KATNAL2: variants seen among roughly 807,000 people sequenced by gnomAD.
KATNAL2 encodes the protein katanin catalytic subunit A1 like 2.
KATNAL2 carries 52 observed loss-of-function variants against 76.3 expected under a neutral mutation model. The observed-to-expected ratio is 0.68, with a 90% confidence interval of 0.55 to 0.86. KATNAL2 has a LOEUF of 0.86. KATNAL2 is among the 40% of genes least tolerant of loss of function. KATNAL2 has a pLI of 0.00. For synonymous variants in KATNAL2, 243 were observed against 244.2 expected (o/e 1.00, Z 0.05); for missense variants, 660 against 668.9 (o/e 0.99, Z 0.15).
intron 15 of KATNAL2, among the ~76,000 whole-genome samples, chr18:47,080,991 C>T (rs373480473): frequency 5.4e-5 from 8 of 148,720 alleles, no homozygotes; most frequent in African/African-American, 2.0e-4. Flanking sequence ...TTCCTTCCTC[C>T]CTCCCTCCTT....
Position 46,965,576 on chromosome 18 carries a change from T to TC in KATNAL2, c.51+18657dup, listed in dbSNP as rs1446702107. The stretch of plus-strand genomic sequence containing the variant: ...GTCAACCAGCAGAATCCCTCTAGCA[T>TC]CCCCGCCCCCCCCCCCCCGCCCCCA... On this transcript the variant is annotated intron_variant, in intron 3 of 17. Transcript: ENST00000683218. 4.7e-3 allele frequency among the ~76,000 whole-genome samples: 323 copies of TC among 68,640 alleles called. 32 individuals carry two copies. The highest frequency in any genetic ancestry group is 0.015 in the East Asian group (38 of 2,574). 45.0% of individuals were successfully genotyped at this position (68,640 alleles called of 152,430 possible).
At position 46,917,682 on chromosome 18, in the gene KATNAL2, G is replaced by T. The variant is rs2058151978; in HGVS notation, c.-754G>T. On this transcript the variant is annotated 5_prime_UTR_variant, in exon 1 of 18. Coordinates refer to ENST00000683218, the MANE Select transcript of KATNAL2 (RefSeq NM_001387690.1). ...TTGGCCCCGCTCGGCCCCAGGTCGT[G>T]CCTTCCCTCCCCGGCGGAGGCCCCT... 1 of 487,718 alleles carries T rather than the reference G, an allele frequency of 2.1e-6. No homozygotes were observed. The highest frequency in any genetic ancestry group is 6.3e-5 in the Admixed American group (1 of 15,936). 30.2% of individuals were successfully genotyped at this position (487,718 alleles called of 1,614,324 possible).
intron 15 of KATNAL2, among the ~76,000 whole-genome samples, chr18:47,091,859 CCTGT>C (rs1269466002): frequency 6.6e-6 from 1 of 152,136 alleles, no homozygotes; most frequent in Non-Finnish European, 1.5e-5. Context: ...TCTTTAGCAG[CCTGT>C]CTTTTAGAAG....
intron 13 of KATNAL2, among the ~76,000 whole-genome samples, chr18:47,074,793 A>G (rs893881709): frequency 1.3e-5 from 2 of 152,174 alleles, no homozygotes; most frequent in African/African-American, 2.4e-5. Context: ...AAGGGGCTAA[A>G]TTTGTCAGCC....
At chr18:47,069,417 C>A in intron 12 of KATNAL2, 65 bp from the exon 13 acceptor site, 2 of 1,415,194 alleles carry the variant, frequency 1.4e-6, no homozygotes, top group Non-Finnish European at 2.0e-6. Flanking sequence ...GTGAGACTGA[C>A]TTCTGTCTAT....
chr18:47,091,556 G>A (rs185011927), intron 15 of KATNAL2, among the ~76,000 whole-genome samples: 21 of 152,170 alleles, frequency 1.4e-4, no homozygotes, highest in Admixed American at 3.9e-4. Flanking sequence ...CTTGTCCTTC[G>A]TTTCCTCCCT....
chr18:46,935,924 A>T (rs2059077097), intron 1 of KATNAL2, among the ~76,000 whole-genome samples: 1 of 151,952 alleles, frequency 6.6e-6, no homozygotes. Context: ...TCAAAATTTA[A>T]AAAAAAAGAC....
rs552432099 is a variant in KATNAL2, at chr18:46,919,304, T to C, written c.-510+1378T>C. Among the ~76,000 whole-genome samples the C allele has an allele frequency of 6.6e-5, 10 of 151,966 alleles. No homozygotes were observed. The South Asian group carries it at 1.7e-3, about 25-fold the overall frequency. On this transcript the variant is annotated intron_variant, in intron 1 of 17. Transcript: ENST00000683218. ...GAGTTGGAGGCCAGCCTGACCAACATGGAGAAACCCCGTCTCCACCAAAAA... is the reference window on the plus strand; with the variant it reads ...GAGTTGGAGGCCAGCCTGACCAACACGGAGAAACCCCGTCTCCACCAAAAA...
chr18:47,059,426 G>A, intron 7 of KATNAL2, 130 bp from the exon 8 acceptor site: 1 of 689,824 alleles, frequency 1.4e-6, no homozygotes, highest in Non-Finnish European at 2.6e-6. Context: ...ATGTGGCTAA[G>A]CTACATGTGC....
chr18:46,920,021 C>T (rs1053219506), intron 1 of KATNAL2: 7 of 1,276,492 alleles, frequency 5.5e-6, no homozygotes, highest in African/African-American at 1.5e-5. Flanking sequence ...AAACACAAAA[C>T]AGTAAGAAAA....
At chr18:47,050,900 G>A (rs2061322040) in intron 4 of KATNAL2, among the ~76,000 whole-genome samples, 1 of 152,192 alleles carries the variant, frequency 6.6e-6, no homozygotes, top group Admixed American at 6.5e-5. Context: ...GAGGAAGAAG[G>A]GGCACAGCCT....
At chr18:47,035,624 C>T in intron 3 of KATNAL2, 1 of 468,342 alleles carries the variant, frequency 2.1e-6, no homozygotes, top group Non-Finnish European at 4.0e-6. Flanking sequence ...ACCCTCTTAG[C>T]TCTTGGGCTG....
chr18:47,077,373 C>T lies in KATNAL2; in HGVS notation c.1123C>T (p.Arg375Trp), dbSNP rs764164096. 1.8e-5 allele frequency: 29 copies of T among 1,613,230 alleles called. No homozygotes were observed. Among genetic ancestry groups the T allele is most frequent in the African/African-American group, 2.7e-5 (2 of 74,882 alleles). ...TAGGGGAGAACATGAAGGAAGCCTG[C>T]GGATGAAGACAGAGTTACTGGTGCA... ...ASGGEHEGSL[R>W]MKTELLVQMD... is the part of the protein sequence containing the mutation. Residue 375 changes from arginine to tryptophan, a missense_variant, in exon 15 of 18, where the codon CGG becomes TGG. Arg to Trp is a moderately radical substitution (Grantham distance 101, BLOSUM62 -3). Transcript: ENST00000683218.
rs368096089 is a variant in KATNAL2 at position 47,035,547 on chromosome 18, A to C, written c.52-10910A>C. 3 of 639,686 alleles carry C rather than the reference A, an allele frequency of 4.7e-6. 1 individual carries two copies. In the South Asian group the frequency reaches 6.0e-5, roughly 13 times the overall value. The allele number at this position is 639,686 out of a possible 1,614,324, so 39.6% of individuals were successfully genotyped here. Reference sequence around the variant, plus strand: ...GCAGTTTGCTGTGCAACAAAGAATGAAGCTCTGGTGCCAGAGCTGGGCCTT... The same window carrying C: ...GCAGTTTGCTGTGCAACAAAGAATGCAGCTCTGGTGCCAGAGCTGGGCCTT... On this transcript the variant is annotated intron_variant, in intron 3 of 17. Transcript: ENST00000683218.
chr18:47,084,155 C>A (rs16954921), intron 15 of KATNAL2, among the ~76,000 whole-genome samples: 84,838 of 152,070 alleles, frequency 0.56, 23,787 homozygotes, highest in Middle Eastern at 0.6. Flanking sequence ...ACTTCAACTT[C>A]TTTTTTCAGC....
At chr18:47,074,477 T>C (rs1335113721) in intron 13 of KATNAL2, among the ~76,000 whole-genome samples, 1 of 152,206 alleles carries the variant, frequency 6.6e-6, no homozygotes, top group Non-Finnish European at 1.5e-5. Context: ...TCCACTGTTT[T>C]TTCCCATCAA....
intron 4 of KATNAL2, among the ~76,000 whole-genome samples, chr18:47,046,899 T>G (rs1272440252): frequency 4.6e-5 from 7 of 152,190 alleles, no homozygotes; most frequent in Non-Finnish European, 1.0e-4. Flanking sequence ...AAATCCCCTG[T>G]GCACCACCGA....
At chr18:47,086,641 G>A (rs1454902595) in intron 15 of KATNAL2, among the ~76,000 whole-genome samples, 1 of 152,156 alleles carries the variant, frequency 6.6e-6, no homozygotes, top group Admixed American at 6.6e-5. Context: ...TAGTATTTTT[G>A]TGCCTACTAG....
chr18:47,054,443 A>G lies in KATNAL2; in HGVS notation c.332+5A>G. ...AAGTAGAGGGAAGACCAGAAGGTAA[A>G]GTGAATGGTAATTCTTCTTAATCGA... is the stretch of plus-strand genomic sequence containing the variant. On this transcript the variant is annotated splice_donor_5th_base_variant and intron_variant, in intron 6 of 17. Coordinates refer to ENST00000683218, the MANE Select transcript of KATNAL2 (RefSeq NM_001387690.1). 6.2e-7 allele frequency: 1 copy of G among 1,613,242 alleles called. No homozygotes were observed. Among genetic ancestry groups the G allele is most frequent in the Non-Finnish European group, 8.5e-7 (1 of 1,179,174 alleles).
Sources: allele counts gnomAD v4.1 joint callset (sites outside exome capture counted in the v4.1 genomes callset), GRCh38; gene constraint gnomAD v4.1.1; transcripts MANE v1.5; gene names NCBI Gene and HGNC (gene_info 2026-07-23, HGNC 2026-07-21).